Variants in IRAK1BP1 observed in about 807,000 individuals in gnomAD.
IRAK1BP1 encodes interleukin-1 receptor-associated kinase 1-binding protein 1.
IRAK1BP1 carries 24 observed loss-of-function variants against 28.0 expected under a neutral mutation model. That is an observed-to-expected ratio of 0.86 (90% confidence interval 0.62 to 1.20). The LOEUF is 1.20. IRAK1BP1 is among the 50% of genes most tolerant of loss of function. The pLI is 0.00. For synonymous variants in IRAK1BP1, 131 were observed against 116.3 expected (o/e 1.13, Z -0.81); for missense variants, 336 against 316.7 (o/e 1.06, Z -0.46).
chr6:78,957,074 C>T, the IRAK1BP1 span: 3 of 151,820 alleles, frequency 2.0e-5, no homozygotes, highest in African/African-American at 7.3e-5. Flanking sequence ...TAAAAAAATG[C>T]CATGGATTTA....
chr6:78,978,541 A>G, the IRAK1BP1 span: 2 of 1,468,854 alleles, frequency 1.4e-6, no homozygotes, highest in South Asian at 1.3e-5. Flanking sequence ...CTGTTAAAAA[A>G]TGTTTAAAAC....
At chr6:78,939,694 A>G (rs967697268) in intron 4 of IRAK1BP1, 1 of 151,966 alleles carries the variant, frequency 6.6e-6, no homozygotes, top group South Asian at 2.1e-4. Context: ...AAGTTTAGAA[A>G]TGACATTAAT....
the IRAK1BP1 span, chr6:78,963,404 T>A: frequency 2.0e-6 from 1 of 506,878 alleles, no homozygotes; most frequent in Non-Finnish European, 3.3e-6. Flanking sequence ...AAGTATGTTT[T>A]AAGGGTCACT....
At chr6:78,927,989 C>A (rs1400614359) in intron 4 of IRAK1BP1, among the ~76,000 whole-genome samples, 1 of 151,874 alleles carries the variant, frequency 6.6e-6, no homozygotes, top group Non-Finnish European at 1.5e-5. Flanking sequence ...AGTTTTGTTC[C>A]TTTTACTTAC....
chr6:78,922,455 C>T (rs1053428722), intron 4 of IRAK1BP1, among the ~76,000 whole-genome samples: 1 of 152,150 alleles, frequency 6.6e-6, no homozygotes, highest in Non-Finnish European at 1.5e-5. Context: ...GATTGGTGTA[C>T]CTGAAAGTCA....
downstream of IRAK1BP1, among the ~76,000 whole-genome samples, chr6:78,904,741 A>G (rs1772218108): frequency 6.6e-6 from 1 of 152,214 alleles, no homozygotes; most frequent in African/African-American, 2.4e-5. Flanking sequence ...AGTTTGTACC[A>G]AATTAATCAT....
chr6:78,894,970 T>C (rs1056248558), intron 2 of IRAK1BP1, among the ~76,000 whole-genome samples: 3 of 151,978 alleles, frequency 2.0e-5, no homozygotes, highest in Admixed American at 2.0e-4. Context: ...TAGCTGGGCA[T>C]GGTGGTGCAC....
At chr6:78,927,001 T>C (rs1419344633) in intron 4 of IRAK1BP1, among the ~76,000 whole-genome samples, 3 of 152,216 alleles carry the variant, frequency 2.0e-5, no homozygotes, top group Non-Finnish European at 4.4e-5. Flanking sequence ...AGTGCTACAA[T>C]AAACATGGAA....
chr6:78,966,184 A>G, the IRAK1BP1 span: 11 of 620,802 alleles, frequency 1.8e-5, no homozygotes, highest in African/African-American at 2.0e-4. Flanking sequence ...TGAACCACAA[A>G]CTCCAAAAAT....
downstream of IRAK1BP1, chr6:78,947,900 T>C: frequency 1.9e-6 from 1 of 539,584 alleles, no homozygotes; most frequent in Non-Finnish European, 3.2e-6. Context: ...ATCACTCCTG[T>C]TCCCCTTATC....
the IRAK1BP1 span, among the ~76,000 whole-genome samples, chr6:78,974,646 A>G: frequency 6.6e-6 from 1 of 152,256 alleles, no homozygotes; most frequent in African/African-American, 2.4e-5. Context: ...AATAAAAGAA[A>G]AAAAGAAGAA....
the IRAK1BP1 span, among the ~76,000 whole-genome samples, chr6:78,954,259 G>A: frequency 4.3e-5 from 6 of 140,126 alleles, no homozygotes; most frequent in South Asian, 4.4e-4. Context: ...CCGCCCACAC[G>A]CCTGGCTAAT....
chr6:78,904,159 C>T (rs1265103246), downstream of IRAK1BP1, among the ~76,000 whole-genome samples: 1 of 152,206 alleles, frequency 6.6e-6, no homozygotes, highest in African/African-American at 2.4e-5. Flanking sequence ...TGTGTTTGCA[C>T]ATTTTGCAGT....
At chr6:78,935,489 T>C in intron 4 of IRAK1BP1, 1 of 978,444 alleles carries the variant, frequency 1.0e-6, no homozygotes, top group Non-Finnish European at 1.2e-6. Flanking sequence ...AAAATATTTA[T>C]GCAAAGTGTT....
the IRAK1BP1 span, chr6:78,958,275 T>C: frequency 2.5e-5 from 10 of 406,646 alleles, no homozygotes; most frequent in South Asian, 6.6e-4. Context: ...TTCTTATTAT[T>C]AGCCAATGAA....
chr6:78,922,931 C>T (rs978280384), intron 4 of IRAK1BP1, among the ~76,000 whole-genome samples: 1 of 152,140 alleles, frequency 6.6e-6, no homozygotes, highest in African/African-American at 2.4e-5. Context: ...AAGCACTAAA[C>T]ATGGAAAGGA....
At chr6:78,925,856 G>A (rs1007581813) in intron 4 of IRAK1BP1, among the ~76,000 whole-genome samples, 4 of 152,140 alleles carry the variant, frequency 2.6e-5, no homozygotes, top group Admixed American at 2.0e-4. Context: ...ATACTATGCA[G>A]CCATAATAAA....
At chr6:78,947,281 T>C (rs1416563571), downstream of IRAK1BP1, among the ~76,000 whole-genome samples, 1 of 152,214 alleles carries the variant, frequency 6.6e-6, no homozygotes, top group Admixed American at 6.5e-5. Flanking sequence ...GAGTGTTAAA[T>C]TATATTTTTA....
At chr6:78,875,698 A>G (rs1458760986) in intron 1 of IRAK1BP1, among the ~76,000 whole-genome samples, 1 of 152,152 alleles carries the variant, frequency 6.6e-6, no homozygotes. Flanking sequence ...AGATAAGAAC[A>G]ATAAACACTG....
Sources: gnomAD v4.1 joint callset for allele counts (sites outside exome capture counted in the v4.1 genomes callset) on GRCh38, gnomAD v4.1.1 for gene constraint, MANE v1.5 for transcripts, NCBI Gene and HGNC (gene_info 2026-07-23, HGNC 2026-07-21) for gene names.